The following DAB1 variants were observed in gnomAD, a reference collection of about 807,000 sequenced individuals.
The protein encoded by DAB1 is disabled homolog 1.
Under a neutral mutation model 64.6 loss-of-function variants are expected in DAB1, and 15 were observed. The ratio of observed to expected loss-of-function variants is 0.23; its 90% CI spans 0.16 to 0.36. The LOEUF is 0.36. DAB1 is among the 10% of genes least tolerant of loss of function. The pLI is 1.00. For synonymous variants in DAB1, 235 were observed against 251.9 expected (o/e 0.93, Z 0.64); for missense variants, 596 against 706.7 (o/e 0.84, Z 1.78).
chr1:58,437,453 CTT>C (rs1246774055), intron 3 of DAB1, among the ~76,000 whole-genome samples: 2 of 152,184 alleles, frequency 1.3e-5, no homozygotes, highest in African/African-American at 4.8e-5. Flanking sequence ...GCCTGTGCCA[CTT>C]TCAACATGCC....
chr1:57,106,864 C>T (rs1468579086), intron 4 of DAB1, among the ~76,000 whole-genome samples: 2 of 151,998 alleles, frequency 1.3e-5, no homozygotes, highest in East Asian at 3.9e-4. Context: ...TAAATAAACA[C>T]ATTATAAAAA....
chr1:58,396,453 G>GGA (rs1345593360), intron 3 of DAB1, among the ~76,000 whole-genome samples: 4 of 152,058 alleles, frequency 2.6e-5, no homozygotes, highest in Non-Finnish European at 5.9e-5. Context: ...CCCAGAGGCA[G>GGA]GAGACAGGAG....
intron 2 of DAB1, among the ~76,000 whole-genome samples, chr1:57,287,121 G>A (rs2100650774): frequency 6.6e-6 from 1 of 152,332 alleles, no homozygotes; most frequent in Admixed American, 6.5e-5. Flanking sequence ...GCACAGGCTG[G>A]AGTGCAGTGG....
At chr1:57,406,262 C>A (rs767263947) in intron 1 of DAB1, among the ~76,000 whole-genome samples, 4 of 152,198 alleles carry the variant, frequency 2.6e-5, no homozygotes, top group Non-Finnish European at 5.9e-5. Flanking sequence ...CAGAAAATCC[C>A]AAGGCACCCT....
chr1:57,980,547 CT>C (rs1570150107), intron 5 of DAB1, among the ~76,000 whole-genome samples: 1 of 152,138 alleles, frequency 6.6e-6, no homozygotes. Context: ...TTTCTTGCCC[CT>C]ATCCCATGTT....
chr1:58,524,604 A>G (rs1557453124), intron 2 of DAB1, among the ~76,000 whole-genome samples: 1 of 152,192 alleles, frequency 6.6e-6, no homozygotes, highest in African/African-American at 2.4e-5. Flanking sequence ...TGACTTCACA[A>G]ATTTTCTTTT....
At chr1:58,011,337 G>C (rs1467437667) in intron 5 of DAB1, among the ~76,000 whole-genome samples, 1 of 152,222 alleles carries the variant, frequency 6.6e-6, no homozygotes, top group African/African-American at 2.4e-5. Flanking sequence ...AGATCTGGAA[G>C]GGGTTCAAGT....
At chr1:58,095,629 C>T (rs969878775) in intron 5 of DAB1, among the ~76,000 whole-genome samples, 4 of 152,170 alleles carry the variant, frequency 2.6e-5, no homozygotes, top group Admixed American at 1.3e-4. Flanking sequence ...GAGCACATGG[C>T]GAGCACTTAC....
intron 7 of DAB1, among the ~76,000 whole-genome samples, chr1:57,641,680 C>A (rs947637036): frequency 6.6e-6 from 1 of 151,870 alleles, no homozygotes; most frequent in African/African-American, 2.4e-5. Flanking sequence ...AATTCAGTAA[C>A]CCCAGCGTAA....
At chr1:57,093,253 C>A (rs2100665354) in intron 4 of DAB1, among the ~76,000 whole-genome samples, 1 of 152,308 alleles carries the variant, frequency 6.6e-6, no homozygotes, top group East Asian at 1.9e-4. Context: ...GGTTAAAAAT[C>A]TGGCACCTTG....
intron 7 of DAB1, among the ~76,000 whole-genome samples, chr1:57,595,628 C>G (rs2101577233): frequency 6.6e-6 from 1 of 151,704 alleles, no homozygotes; most frequent in East Asian, 1.9e-4. Flanking sequence ...ATCTGTGTTC[C>G]CCCCCCACCC....
chr1:57,344,915 T>C (rs373300497), intron 1 of DAB1, among the ~76,000 whole-genome samples: 74 of 152,304 alleles, frequency 4.9e-4, no homozygotes, highest in African/African-American at 1.8e-3. Context: ...ATACCTTGGC[T>C]TGGTGCCTCC....
At chr1:58,423,694 C>T (rs1398337782) in intron 3 of DAB1, among the ~76,000 whole-genome samples, 1 of 152,228 alleles carries the variant, frequency 6.6e-6, no homozygotes, top group African/African-American at 2.4e-5. Flanking sequence ...GCAGTGTCTG[C>T]ATCCTTCTAT....
intron 5 of DAB1, among the ~76,000 whole-genome samples, chr1:57,961,303 A>G (rs1645515420): frequency 6.6e-6 from 1 of 152,216 alleles, no homozygotes; most frequent in Admixed American, 6.5e-5. Context: ...TTTACAATAT[A>G]GATTATATAT....
At chr1:58,459,225 C>T (rs1450340186) in intron 3 of DAB1, among the ~76,000 whole-genome samples, 2 of 152,162 alleles carry the variant, frequency 1.3e-5, no homozygotes, top group East Asian at 3.8e-4. Flanking sequence ...TACAAAATCA[C>T]CAAAACCTAG....
intron 3 of DAB1, among the ~76,000 whole-genome samples, chr1:58,367,641 A>G (rs1015845167): frequency 6.6e-6 from 1 of 152,274 alleles, no homozygotes; most frequent in African/African-American, 2.4e-5. Flanking sequence ...TAGAGGGGGA[A>G]GTTATTCCAG....
intron 3 of DAB1, among the ~76,000 whole-genome samples, chr1:58,454,247 A>C (rs971902123): frequency 1.3e-5 from 2 of 152,160 alleles, no homozygotes; most frequent in African/African-American, 2.4e-5. Flanking sequence ...CTCTGGAATT[A>C]ACTCACAGAA....
At chr1:57,851,706 C>T (rs1474306056) in intron 1 of DAB1, among the ~76,000 whole-genome samples, 2 of 152,232 alleles carry the variant, frequency 1.3e-5, no homozygotes, top group African/African-American at 4.8e-5. Flanking sequence ...GCATTTCATT[C>T]TCTGGCTTCT....
At chr1:57,567,526 C>G (rs1426591665) in intron 7 of DAB1, among the ~76,000 whole-genome samples, 1 of 152,158 alleles carries the variant, frequency 6.6e-6, no homozygotes, top group East Asian at 1.9e-4. Flanking sequence ...ATTTAGAAAA[C>G]CCCATCGTCT....
Sources: allele counts gnomAD v4.1 joint callset (sites outside exome capture counted in the v4.1 genomes callset), GRCh38; gene constraint gnomAD v4.1.1; transcripts MANE v1.5; gene names NCBI Gene and HGNC (gene_info 2026-07-23, HGNC 2026-07-21).